TBC1D22A: variants seen among roughly 807,000 people sequenced by gnomAD.
TBC1D22A encodes TBC1 domain family member 22A, also known as putative GTPase activator.
TBC1D22A carries 38 observed loss-of-function variants against 60.2 expected under a neutral mutation model. The observed-to-expected ratio is 0.63, with a 90% CI of 0.49 to 0.83. The LOEUF (loss-of-function observed/expected upper bound fraction) is 0.83. Ranked by LOEUF, TBC1D22A falls within the 40% of genes least tolerant of loss-of-function variation. The pLI, the probability that TBC1D22A is intolerant of heterozygous loss-of-function variation, is 0.00. For missense variants in TBC1D22A, 628 were observed against 701.0 expected, an observed-to-expected ratio of 0.90 and a Z score of 1.18; for synonymous variants, 302 against 281.7, an observed-to-expected ratio of 1.07 and a Z score of -0.72.
intron 8 of TBC1D22A, among the ~76,000 whole-genome samples, chr22:46,938,322 G>C (rs946263746): frequency 6.6e-6 from 1 of 152,140 alleles, no homozygotes; most frequent in Non-Finnish European, 1.5e-5. Context: ...ACAGTAACAC[G>C]CTGCACAGGT....
In TBC1D22A at chr22:46,766,897, T is replaced by G. The variant is rs187570571; in HGVS notation, c.62+4049T>G. ...CCCCTTTTTTGCATCAAACTCAGTG[T>G]TGTTGGTGCCTCTGGCTTCCTGTTC... On this transcript the variant is annotated intron_variant, in intron 1 of 12. Transcript: ENST00000337137. Among the ~76,000 whole-genome samples, 28 of 152,264 alleles carry G rather than the reference T, an allele frequency of 1.8e-4. 1 individual carries two copies. The highest frequency in any genetic ancestry group is 8.5e-4 in the Admixed American group (13 of 15,282).
intron 8 of TBC1D22A, among the ~76,000 whole-genome samples, chr22:46,939,612 A>G (rs1315375233): frequency 6.6e-6 from 1 of 152,260 alleles, no homozygotes; most frequent in Admixed American, 6.5e-5. Context: ...GGTCATTGTA[A>G]TTGATGTTCA....
intron 8 of TBC1D22A, among the ~76,000 whole-genome samples, chr22:46,973,796 G>C (rs1459444544): frequency 6.6e-6 from 1 of 152,138 alleles, no homozygotes; most frequent in Non-Finnish European, 1.5e-5. Context: ...TATCTTTGAC[G>C]CACATCTGTG....
At chr22:46,966,947 C>T (rs1453504377) in intron 8 of TBC1D22A, among the ~76,000 whole-genome samples, 2 of 152,132 alleles carry the variant, frequency 1.3e-5, no homozygotes, top group African/African-American at 4.8e-5. Flanking sequence ...TGGGATCACT[C>T]TTGGGGCTGG....
rs570751261 is a variant in TBC1D22A, at chr22:47,039,935, C to CTTTTTT, written c.1329+2759_1329+2764dup. Among the ~76,000 whole-genome samples the CTTTTTT allele has an allele frequency of 1.3e-3, 98 of 77,296 alleles. 8 individuals carry two copies. The highest frequency in any genetic ancestry group is 4.7e-3 in the African/African-American group (75 of 15,934). 50.7% of individuals were successfully genotyped at this position (77,296 alleles called of 152,430 possible). On this transcript the variant is annotated intron_variant, in intron 11 of 12. Transcript: ENST00000337137. Reference sequence around the variant, plus strand: ...CAAGGCGTCGGGGAGGTGCCACAGCCTTTTTTTTTTTTTTTTTTTTTTTTT... The same window carrying CTTTTTT: ...CAAGGCGTCGGGGAGGTGCCACAGCCTTTTTTTTTTTTTTTTTTTTTTTTTTTTTTT...
intron 12 of TBC1D22A, among the ~76,000 whole-genome samples, chr22:47,162,235 A>G (rs4823473): frequency 0.41 from 62,084 of 150,006 alleles, 13,899 homozygotes; most frequent in East Asian, 0.69. Context: ...TGTGTATTGA[A>G]CTTACCGGTC....
At chr22:46,787,079 C>T (rs1370212720) in intron 1 of TBC1D22A, among the ~76,000 whole-genome samples, 8 of 152,068 alleles carry the variant, frequency 5.3e-5, no homozygotes, top group Non-Finnish European at 7.4e-5. Flanking sequence ...TGGGAATTTG[C>T]GCATTGTATC....
At chr22:47,060,017 T>A (rs1401000052) in intron 11 of TBC1D22A, among the ~76,000 whole-genome samples, 2 of 152,266 alleles carry the variant, frequency 1.3e-5, no homozygotes, top group East Asian at 3.9e-4. Context: ...ATGGCCGTCC[T>A]CCTGTCAGAA....
chr22:47,167,229 C>T (rs1369380478), intron 12 of TBC1D22A, among the ~76,000 whole-genome samples: 1 of 152,240 alleles, frequency 6.6e-6, no homozygotes, highest in Non-Finnish European at 1.5e-5. Flanking sequence ...AGGTAACACC[C>T]AGGCAGGTGC....
intron 12 of TBC1D22A, among the ~76,000 whole-genome samples, chr22:47,151,172 G>A (rs1175645937): frequency 6.6e-6 from 1 of 152,144 alleles, no homozygotes; most frequent in East Asian, 1.9e-4. Context: ...CTGGCTGTGC[G>A]GGCCCAGAGC....
At chr22:46,830,278 A>G (rs1415760096) in intron 4 of TBC1D22A, among the ~76,000 whole-genome samples, 1 of 152,226 alleles carries the variant, frequency 6.6e-6, no homozygotes, top group Non-Finnish European at 1.5e-5. Context: ...GTGACTGCTC[A>G]TCGTATGTGA....
At chr22:46,832,785 T>C (rs1479832046) in intron 4 of TBC1D22A, among the ~76,000 whole-genome samples, 1 of 152,256 alleles carries the variant, frequency 6.6e-6, no homozygotes, top group Non-Finnish European at 1.5e-5. Context: ...AACAAGCCAC[T>C]GAAGTCATTG....
At chr22:47,029,601 G>T (rs1343725732) in intron 10 of TBC1D22A, among the ~76,000 whole-genome samples, 3 of 152,186 alleles carry the variant, frequency 2.0e-5, no homozygotes, top group Admixed American at 6.5e-5. Context: ...CGAAGGAGAA[G>T]ACCTGCCGGC....
At chr22:46,983,083 A>T (rs2074579122) in intron 9 of TBC1D22A, among the ~76,000 whole-genome samples, 1 of 152,094 alleles carries the variant, frequency 6.6e-6, no homozygotes, top group South Asian at 2.1e-4. Flanking sequence ...CGTGTTAGTG[A>T]CTCCAGTTGG....
chr22:47,074,615 A>G (rs1030521708), intron 11 of TBC1D22A, among the ~76,000 whole-genome samples: 13 of 152,120 alleles, frequency 8.5e-5, no homozygotes, highest in African/African-American at 3.1e-4. Flanking sequence ...TTCTTTGTAC[A>G]TTTTCATGTG....
At chr22:47,041,737 G>A (rs566509047) in intron 11 of TBC1D22A, among the ~76,000 whole-genome samples, 1 of 152,340 alleles carries the variant, frequency 6.6e-6, no homozygotes, top group East Asian at 1.9e-4. Context: ...GGTTTTTCGA[G>A]TGAGGATTGG....
chr22:46,822,215 C>A (rs949546006), intron 4 of TBC1D22A, among the ~76,000 whole-genome samples: 2 of 151,954 alleles, frequency 1.3e-5, no homozygotes, highest in African/African-American at 2.4e-5. Context: ...TTTTTTATTA[C>A]CCATCTGCTG....
At chr22:47,033,016 A>G (rs1010426804) in intron 10 of TBC1D22A, among the ~76,000 whole-genome samples, 5 of 152,246 alleles carry the variant, frequency 3.3e-5, no homozygotes, top group African/African-American at 1.2e-4. Context: ...TTCCCCAAGT[A>G]GCCAACTGCT....
chr22:47,032,609 T>A (rs1033142526), intron 10 of TBC1D22A, among the ~76,000 whole-genome samples: 2 of 152,196 alleles, frequency 1.3e-5, no homozygotes, highest in Admixed American at 1.3e-4. Flanking sequence ...CGTGTCCTGG[T>A]GATTAGCCTG....
Sources: allele counts gnomAD v4.1 joint callset (sites outside exome capture counted in the v4.1 genomes callset), GRCh38; gene constraint gnomAD v4.1.1; transcripts MANE v1.5; gene names NCBI Gene and HGNC (gene_info 2026-07-23, HGNC 2026-07-21).